Variants in PILRA observed in about 807,000 individuals in gnomAD.
PILRA encodes paired immunoglobin like type 2 receptor alpha.
In PILRA, 37 loss-of-function variants were observed where a neutral mutation model predicts 33.1. The ratio of observed to expected loss-of-function variants is 1.12; its 90% confidence interval spans 0.86 to 1.47. The LOEUF (loss-of-function observed/expected upper bound fraction) is 1.47. Among genes scored for constraint, PILRA ranks in the 40% most tolerant of loss-of-function variants. The probability of loss-of-function intolerance (pLI) is 0.00; values close to 1 mark genes in which losing one functional copy is unlikely to be tolerated. For missense variants in PILRA, 312 were observed against 376.2 expected, an observed-to-expected ratio of 0.83 and a Z score of 1.41; for synonymous variants, 146 against 149.9, an observed-to-expected ratio of 0.97 and a Z score of 0.19.
chr7:100,375,171 T>A (rs1386571797), intron 2 of PILRA, among the ~76,000 whole-genome samples: 1 of 152,192 alleles, frequency 6.6e-6, no homozygotes, highest in Non-Finnish European at 1.5e-5. Flanking sequence ...GCTCTCCCTG[T>A]CCTCCACTCT....
chr7:100,385,088 G>A (rs1442490306), intron 2 of PILRA, among the ~76,000 whole-genome samples: 8 of 152,154 alleles, frequency 5.3e-5, no homozygotes, highest in Non-Finnish European at 1.2e-4. Context: ...GTCAATAGTA[G>A]GAAGTGAGTA....
chr7:100,383,879 C>G (rs934371648), intron 2 of PILRA, among the ~76,000 whole-genome samples: 2 of 152,102 alleles, frequency 1.3e-5, no homozygotes, highest in Non-Finnish European at 2.9e-5. Context: ...TCAGGTGATC[C>G]GCCTGCCTCG....
intron 2 of PILRA, among the ~76,000 whole-genome samples, chr7:100,385,919 A>G (rs1422753588): frequency 6.9e-6 from 1 of 145,844 alleles, no homozygotes; most frequent in Non-Finnish European, 1.5e-5. Context: ...GTGAGCCACC[A>G]CACCCGGCCT....
intron 2 of PILRA, 135 bp from the exon 3 acceptor site, chr7:100,389,753 G>A (rs773745736): frequency 2.0e-5 from 14 of 697,148 alleles, no homozygotes; most frequent in Non-Finnish European, 3.4e-5. Flanking sequence ...CCTGTTCCCC[G>A]CTCCCTGTGT....
chr7:100,396,856 TTC>T (rs1791504169), intron 3 of PILRA, among the ~76,000 whole-genome samples: 1 of 151,902 alleles, frequency 6.6e-6, no homozygotes, highest in Non-Finnish European at 1.5e-5. Context: ...GGAGTAGGGG[TTC>T]TTTAAAACTG....
intron 2 of PILRA, among the ~76,000 whole-genome samples, chr7:100,385,162 G>A (rs1791227192): frequency 6.6e-6 from 1 of 152,180 alleles, no homozygotes; most frequent in Non-Finnish European, 1.5e-5. Context: ...GAAATAGAAG[G>A]TTAACACAAA....
chr7:100,394,494 C>A (rs1049195350), intron 3 of PILRA, among the ~76,000 whole-genome samples: 11 of 150,278 alleles, frequency 7.3e-5, no homozygotes, highest in Middle Eastern at 3.2e-3. Context: ...ACACCATGGG[C>A]CAGGCACAAG....
chr7:100,375,470 G>A (rs766177750), intron 2 of PILRA, among the ~76,000 whole-genome samples: 2 of 152,196 alleles, frequency 1.3e-5, no homozygotes, highest in African/African-American at 4.8e-5. Flanking sequence ...GGTGGCTGAC[G>A]CCTGTAATCA....
At chr7:100,393,388 T>C (rs1286044621) in intron 3 of PILRA, among the ~76,000 whole-genome samples, 1 of 151,984 alleles carries the variant, frequency 6.6e-6, no homozygotes, top group Non-Finnish European at 1.5e-5. Flanking sequence ...GGTCAGGGAA[T>C]TGAAGAGAAA....
At chr7:100,385,414 A>G (rs988206044) in intron 2 of PILRA, among the ~76,000 whole-genome samples, 33 of 152,340 alleles carry the variant, frequency 2.2e-4, no homozygotes, top group Non-Finnish European at 4.1e-4. Flanking sequence ...CATAATTTAA[A>G]AAAATACAGA....
intron 2 of PILRA, among the ~76,000 whole-genome samples, chr7:100,379,716 G>A (rs1315420688): frequency 1.3e-5 from 2 of 151,112 alleles, no homozygotes; most frequent in African/African-American, 4.9e-5. Flanking sequence ...TGGCCAAGAT[G>A]GTGGGTTATA....
intron 3 of PILRA, among the ~76,000 whole-genome samples, chr7:100,393,633 T>C (rs956913796): frequency 2.6e-5 from 4 of 152,178 alleles, no homozygotes; most frequent in African/African-American, 9.7e-5. Flanking sequence ...GTTATTTTTT[T>C]CCTCTTGTAA....
At chr7:100,398,884 A>G (rs1481035711) in intron 4 of PILRA, among the ~76,000 whole-genome samples, 1 of 152,064 alleles carries the variant, frequency 6.6e-6, no homozygotes, top group Non-Finnish European at 1.5e-5. Context: ...GACAGGTTGC[A>G]GAGCACTCCC....
At chr7:100,372,383 C>T (rs972187589), upstream of PILRA, among the ~76,000 whole-genome samples, 4 of 152,104 alleles carry the variant, frequency 2.6e-5, no homozygotes, top group East Asian at 3.8e-4. Context: ...AAGGGAGGCC[C>T]GTCCCTGCCT....
At chr7:100,390,931 C>G (rs1791377174) in intron 3 of PILRA, among the ~76,000 whole-genome samples, 1 of 151,816 alleles carries the variant, frequency 6.6e-6, no homozygotes, top group African/African-American at 2.4e-5. Flanking sequence ...GGAGGAGTGG[C>G]CAGAGGTGGG....
intron 2 of PILRA, among the ~76,000 whole-genome samples, chr7:100,389,592 T>C (rs930181297): frequency 4.8e-5 from 5 of 103,364 alleles, no homozygotes; most frequent in African/African-American, 7.4e-5. Flanking sequence ...AAGGAAGAAA[T>C]GGAAGGAAGG....
chr7:100,394,593 CAAAAAA>C (rs60131231), intron 3 of PILRA, among the ~76,000 whole-genome samples: 2 of 47,340 alleles, frequency 4.2e-5, no homozygotes, highest in South Asian at 9.1e-4. Context: ...GATTCTATCT[CAAAAAA>C]AAAAAAAAAA....
chr7:100,399,930 C>T lies in PILRA; in HGVS notation c.*23C>T, dbSNP rs1217245606. 3.8e-6 allele frequency: 6 copies of T among 1,575,562 alleles called. No homozygotes were observed. The highest frequency in any genetic ancestry group is 5.2e-6 in the Non-Finnish European group (6 of 1,160,800). On this transcript the variant is annotated 3_prime_UTR_variant, in exon 7 of 7. Transcript: ENST00000198536. ...TAACCAATGGACAGCCCTCTCAAGA[C>T]TGAATGGTGAGGCCAGGTACAGTGG...
chr7:100,397,890 A>C lies in PILRA; in HGVS notation c.685A>C (p.Thr229Pro). The C allele has an allele frequency of 6.2e-7, 1 of 1,613,984 alleles. No homozygotes were observed. Among genetic ancestry groups the C allele is most frequent in the Non-Finnish European group, 8.5e-7 (1 of 1,179,920 alleles). Residue 229 changes from threonine to proline, a missense_variant, in exon 4 of 7, where the codon ACT becomes CCT. Physicochemically the swap from Thr to Pro is conservative, Grantham distance 38. Coordinates refer to ENST00000198536, the MANE Select transcript of PILRA (RefSeq NM_013439.3). ...RWRRRKGQQR[T>P]KATTPAREPF... ...TGGTCCCCCTACAGGTCAGCAGCGG[A>C]CTAAAGCCACAACCCCAGCCAGGTG...
Sources: gnomAD v4.1 joint callset for allele counts (sites outside exome capture counted in the v4.1 genomes callset) on GRCh38, gnomAD v4.1.1 for gene constraint, MANE v1.5 for transcripts, NCBI Gene and HGNC (gene_info 2026-07-23, HGNC 2026-07-21) for gene names.